The following IPO11 variants were observed in gnomAD, a reference collection of about 807,000 sequenced individuals.
The protein encoded by IPO11 is importin-11.
Under a neutral mutation model 143.2 loss-of-function variants are expected in IPO11, and 66 were observed. The observed-to-expected ratio is 0.46, with a 90% CI of 0.38 to 0.57. The LOEUF (loss-of-function observed/expected upper bound fraction) is 0.57. IPO11 is among the 20% of genes least tolerant of loss of function. IPO11 has a pLI of 0.00. For missense variants in IPO11, 1,026 were observed against 1,141.0 expected (o/e 0.90, Z 1.45); for synonymous variants, 385 against 377.8 (o/e 1.02, Z -0.22).
chr5:62,543,231 T>C (rs1273170980), intron 24 of IPO11, among the ~76,000 whole-genome samples: 2 of 152,246 alleles, frequency 1.3e-5, no homozygotes, highest in Non-Finnish European at 2.9e-5. Context: ...ACAAAAGTTT[T>C]AAGAACACAG....
intron 29 of IPO11, among the ~76,000 whole-genome samples, chr5:62,625,715 C>G (rs1388846490): frequency 6.6e-6 from 1 of 152,204 alleles, no homozygotes; most frequent in Non-Finnish European, 1.5e-5. Flanking sequence ...GAATGTCATT[C>G]AGAGCTTGGA....
Position 62,586,497 on chromosome 5 carries a change from G to T in IPO11, c.2583-5080G>T, listed in dbSNP as rs59587111. On this transcript the variant is annotated intron_variant, in intron 27 of 29. Transcript: ENST00000325324. ...AACTTTGGTAACATGAACAGAGTTG[G>T]CCTTTTTGATTTGTTCTTAAAATAT... Among the ~76,000 whole-genome samples the T allele has an allele frequency of 1.1e-3, 161 of 151,972 alleles. 4 individuals are homozygous for T. The East Asian group carries it at 0.027, about 26-fold the overall frequency.
rs1742195023 is a variant in IPO11, at chr5:62,521,366, C to A, written c.1897-4776C>A. The stretch of plus-strand genomic sequence containing the variant: ...TTGGCTGGTATAAAAGTCTAGGTTT[C>A]CCCCTCAAAATTTTGGAGACTTTTT... On this transcript the variant is annotated intron_variant, in intron 20 of 29. Transcript: ENST00000325324. Among the ~76,000 whole-genome samples the A allele has an allele frequency of 2.6e-5, 4 of 152,208 alleles. No homozygotes were observed. In the South Asian group the frequency reaches 8.3e-4, roughly 32 times the overall value.
chr5:62,555,358 A>G (rs2112356112), intron 26 of IPO11, among the ~76,000 whole-genome samples: 1 of 151,850 alleles, frequency 6.6e-6, no homozygotes, highest in East Asian at 1.9e-4. Context: ...TCCATCATCC[A>G]GGCTAGAATG....
At position 62,506,374 on chromosome 5, in the gene IPO11, AC is replaced by A. The variant is rs1318180094; in HGVS notation, c.1782+18del. On this transcript the variant is annotated intron_variant, in intron 19 of 29. Transcript: ENST00000325324. ...AACATGCAGGTAATTATATTGTAAA[AC>A]ATGAAAATAAATGAGGGGTGGGTAG... 2 of 1,432,416 alleles carry A rather than the reference AC, an allele frequency of 1.4e-6. No individual in the cohort carries two copies. Among genetic ancestry groups the A allele is most frequent in the Non-Finnish European group, 2.0e-6 (2 of 1,019,650 alleles). 88.7% of individuals were successfully genotyped at this position (1,432,416 alleles called of 1,614,324 possible).
At chr5:62,502,997 A>AT (rs1402943368) in intron 16 of IPO11, among the ~76,000 whole-genome samples, 10 of 151,502 alleles carry the variant, frequency 6.6e-5, no homozygotes, top group Non-Finnish European at 1.0e-4. Context: ...TAATTTTTGT[A>AT]TTTTTTTAGT....
chr5:62,483,235 G>C lies in IPO11; in HGVS notation c.963G>C (p.Met321Ile). The C allele has an allele frequency of 6.2e-7, 1 of 1,610,308 alleles. No individual in the cohort carries two copies. The highest frequency in any genetic ancestry group is 8.5e-7 in the Non-Finnish European group (1 of 1,178,392). ...VTFERFIVQC[M>I]NLIKMIVKNY... ...TTGAACGATTCATTGTCCAATGTAT[G>C]AATCTTATTAAGATGATTGTCAAAA... The change falls in exon 10 of 30, where the codon ATG (methionine) becomes ATC (isoleucine). Residue 321 changes from methionine to isoleucine, a missense_variant. Physicochemically the swap from Met to Ile is conservative, Grantham distance 10. Coordinates refer to ENST00000325324, the MANE Select transcript of IPO11 (RefSeq NM_016338.5).
chr5:62,459,158 G>A (rs907700153), intron 5 of IPO11, among the ~76,000 whole-genome samples: 2 of 151,970 alleles, frequency 1.3e-5, no homozygotes, highest in African/African-American at 4.8e-5. Context: ...CAGTGTGTAG[G>A]CATTAAGTGG....
At chr5:62,614,932 G>A (rs1486717092) in intron 29 of IPO11, among the ~76,000 whole-genome samples, 1 of 152,104 alleles carries the variant, frequency 6.6e-6, no homozygotes, top group African/African-American at 2.4e-5. Flanking sequence ...GGAGTGGGAA[G>A]ATGATCTTTC....
intron 6 of IPO11, among the ~76,000 whole-genome samples, chr5:62,470,025 T>C (rs1745713035): frequency 6.6e-6 from 1 of 152,148 alleles, no homozygotes; most frequent in Non-Finnish European, 1.5e-5. Flanking sequence ...TTTAGAAACA[T>C]GAGTAGTAAC....
At chr5:62,518,398 C>T (rs564394292) in intron 20 of IPO11, among the ~76,000 whole-genome samples, 162 of 151,714 alleles carry the variant, frequency 1.1e-3, no homozygotes, top group African/African-American at 3.6e-3. Flanking sequence ...GAGCTGAGAT[C>T]GCGCCACTGT....
chr5:62,552,354 G>T (rs2112351100), intron 26 of IPO11, among the ~76,000 whole-genome samples: 2 of 151,876 alleles, frequency 1.3e-5, no homozygotes, highest in Middle Eastern at 3.4e-3. Flanking sequence ...AATATATGTA[G>T]CTTTTCTAGA....
At chr5:62,606,480 TAAAAAAAAAAA>T (rs760722973) in intron 29 of IPO11, among the ~76,000 whole-genome samples, 29 of 56,106 alleles carry the variant, frequency 5.2e-4, no homozygotes, top group South Asian at 1.2e-3. Context: ...GACCCTGTCT[TAAAAAAAAAAA>T]AAAAAAAAAA....
At chr5:62,536,551 A>G (rs1436495590) in intron 22 of IPO11, 151 bp from the exon 23 acceptor site, 4 of 834,938 alleles carry the variant, frequency 4.8e-6, no homozygotes, top group South Asian at 4.2e-5. Context: ...CAGTTTTTAG[A>G]TATCTGTAGA....
At chr5:62,624,858 A>C (rs965470315) in intron 29 of IPO11, among the ~76,000 whole-genome samples, 8 of 151,760 alleles carry the variant, frequency 5.3e-5, no homozygotes, top group African/African-American at 1.9e-4. Context: ...AGTGGCAGGC[A>C]CCTGTAGTCC....
chr5:62,451,985 G>A (rs748414434), intron 5 of IPO11, 52 bp downstream of exon 5: 21 of 1,461,616 alleles, frequency 1.4e-5, no homozygotes, highest in South Asian at 8.1e-5. Flanking sequence ...GCGGCCGGGC[G>A]TGGTGGCTTA....
chr5:62,537,007 A>T (rs1742757723), intron 23 of IPO11, among the ~76,000 whole-genome samples: 1 of 152,122 alleles, frequency 6.6e-6, no homozygotes, highest in South Asian at 2.1e-4. Flanking sequence ...TATTCCTATG[A>T]AAATCAGTGT....
At chr5:62,623,990 G>T (rs1746466636) in intron 29 of IPO11, among the ~76,000 whole-genome samples, 1 of 151,286 alleles carries the variant, frequency 6.6e-6, no homozygotes, top group Non-Finnish European at 1.5e-5. Context: ...TTTGGGAAGG[G>T]GTGGTCAATT....
intron 5 of IPO11, among the ~76,000 whole-genome samples, chr5:62,464,372 C>A (rs1745496211): frequency 6.6e-6 from 1 of 151,926 alleles, no homozygotes; most frequent in African/African-American, 2.4e-5. Context: ...ATCTTTTGAC[C>A]TTGTGATCCT....
Sources: allele counts gnomAD v4.1 joint callset (sites outside exome capture counted in the v4.1 genomes callset), GRCh38; gene constraint gnomAD v4.1.1; transcripts MANE v1.5; gene names NCBI Gene and HGNC (gene_info 2026-07-23, HGNC 2026-07-21).